The following KCNT2 variants were observed in gnomAD, a reference collection of about 807,000 sequenced individuals.
KCNT2 encodes the protein potassium sodium-activated channel subfamily T member 2.
Under a neutral mutation model 153.8 loss-of-function variants are expected in KCNT2, and 67 were observed. The observed-to-expected ratio is 0.44, with a 90% confidence interval of 0.36 to 0.53. The LOEUF (loss-of-function observed/expected upper bound fraction) is 0.53, where lower values mean the gene tolerates loss of function less well. Ranked by LOEUF, KCNT2 falls within the 20% of genes least tolerant of loss-of-function variation. KCNT2 has a pLI of 0.00. For missense variants in KCNT2, 975 were observed against 1,354.8 expected, an observed-to-expected ratio of 0.72 and a Z score of 4.40; for synonymous variants, 500 against 458.8, an observed-to-expected ratio of 1.09 and a Z score of -1.15.
At chr1:196,342,255 C>T in intron 14 of KCNT2, 27 bp from the exon 15 acceptor site, 1 of 1,582,798 alleles carries the variant, frequency 6.3e-7, no homozygotes. Context: ...CACACATACA[C>T]ACACACAAAA....
At position 196,342,105 on chromosome 1, in the gene KCNT2, T is replaced by C. The variant is rs368541626; in HGVS notation, c.1527A>G (p.Thr509=). ...TTTTGTGTGCATGGAAAGAGGCATATGTAAAACTCTTTCCTTCATATTCAG... is the reference window on the plus strand; with the variant it reads ...TTTTGTGTGCATGGAAAGAGGCATACGTAAAACTCTTTCCTTCATATTCAG... ...FFAEYEGKSF[T]YASFHAHKKF... Residue 509 remains threonine, a synonymous_variant, in exon 15 of 28, where the codon ACA becomes ACG. Transcript: ENST00000294725. The C allele has an allele frequency of 1.0e-4, 168 of 1,609,732 alleles. No individual in the cohort carries two copies. Among genetic ancestry groups the C allele is most frequent in the Non-Finnish European group, 1.4e-4 (162 of 1,177,858 alleles).
intron 26 of KCNT2, among the ~76,000 whole-genome samples, chr1:196,240,078 G>A (rs1654811938): frequency 6.6e-6 from 1 of 151,704 alleles, no homozygotes; most frequent in African/African-American, 2.4e-5. Context: ...CATGCACTCT[G>A]TGGTATTTTT....
At position 196,590,428 on chromosome 1, in the gene KCNT2, A is replaced by G. The variant is rs199803168; in HGVS notation, c.95+17787T>C. 2.0e-5 allele frequency among the ~76,000 whole-genome samples: 3 copies of G among 152,298 alleles called. No individual in the cohort carries two copies. In the East Asian group the frequency reaches 5.8e-4, roughly 29 times the overall value. On this transcript the variant is annotated intron_variant, in intron 1 of 27. Coordinates refer to ENST00000294725, the MANE Select transcript of KCNT2 (RefSeq NM_198503.5). ...TAATTATGAGATGGCTTGTTATAAGAAAGAGAAATAGTGTAATGGTCACTG... is the reference window on the plus strand; with the variant it reads ...TAATTATGAGATGGCTTGTTATAAGGAAGAGAAATAGTGTAATGGTCACTG...
chr1:196,546,314 GCATA>G (rs1657090201), intron 1 of KCNT2, among the ~76,000 whole-genome samples: 1 of 151,928 alleles, frequency 6.6e-6, no homozygotes, highest in Non-Finnish European at 1.5e-5. Flanking sequence ...CTTTTGTCAC[GCATA>G]CATTTGGTGT....
chr1:196,424,192 C>T (rs1673451754), intron 11 of KCNT2, among the ~76,000 whole-genome samples: 1 of 151,724 alleles, frequency 6.6e-6, no homozygotes, highest in African/African-American at 2.4e-5. Context: ...CATTTTAAGA[C>T]TATTGGTAAT....
chr1:196,466,349 G>A (rs1487817080), intron 7 of KCNT2, among the ~76,000 whole-genome samples: 2 of 151,854 alleles, frequency 1.3e-5, no homozygotes, highest in Non-Finnish European at 2.9e-5. Context: ...CATTTCACAG[G>A]CCACACTCTC....
intron 3 of KCNT2, among the ~76,000 whole-genome samples, chr1:196,485,610 T>TTTCCCA (rs1679357970): frequency 6.6e-6 from 1 of 151,914 alleles, no homozygotes; most frequent in Non-Finnish European, 1.5e-5. Context: ...GTCTAGACTA[T>TTTCCCA]GTCTTGTGAA....
chr1:196,290,969 C>T (rs996231000), intron 22 of KCNT2, among the ~76,000 whole-genome samples: 1 of 152,092 alleles, frequency 6.6e-6, no homozygotes, highest in Non-Finnish European at 1.5e-5. Flanking sequence ...ACTCCAAAGA[C>T]TCAGCATTCA....
chr1:196,523,757 C>T (rs960888734), intron 1 of KCNT2, among the ~76,000 whole-genome samples: 3 of 152,128 alleles, frequency 2.0e-5, no homozygotes, highest in South Asian at 2.1e-4. Context: ...AGCCTGGTAA[C>T]GTTTGTGAAA....
chr1:196,260,587 C>A (rs896187649), intron 25 of KCNT2, among the ~76,000 whole-genome samples: 1 of 151,666 alleles, frequency 6.6e-6, no homozygotes, highest in Non-Finnish European at 1.5e-5. Flanking sequence ...ACTAACCTCA[C>A]TTTAACTACA....
intron 4 of KCNT2, among the ~76,000 whole-genome samples, 200 bp downstream of exon 4, chr1:196,482,131 C>T (rs780679067): frequency 2.6e-5 from 4 of 151,934 alleles, no homozygotes; most frequent in African/African-American, 2.4e-5. Context: ...ATTCTGATCA[C>T]GACGAAATCC....
chr1:196,435,135 G>GTGTGTA (rs747899287), intron 8 of KCNT2, among the ~76,000 whole-genome samples: 25 of 76,854 alleles, frequency 3.3e-4, no homozygotes, highest in Admixed American at 7.9e-4. Context: ...GTGTGTGTGT[G>GTGTGTA]TATGTATATA....
chr1:196,567,058 GTTA>G (rs1013176447), intron 1 of KCNT2, among the ~76,000 whole-genome samples: 12 of 152,078 alleles, frequency 7.9e-5, no homozygotes, highest in Middle Eastern at 6.8e-3. Flanking sequence ...TCAGTTGAAA[GTTA>G]TTATCTATAT....
chr1:196,511,155 AC>A (rs1681596471), intron 1 of KCNT2, among the ~76,000 whole-genome samples: 23 of 139,322 alleles, frequency 1.7e-4, no homozygotes. Context: ...ACACACACAC[AC>A]AACTTTTTAA....
chr1:196,608,352 G>C lies in KCNT2; in HGVS notation c.-43C>G, dbSNP rs758362556. ...GAAACATCAAACAACAAATGGAGGA[G>C]AGGAGGGAGAAAGAAAGAAAATATT... On this transcript the variant is annotated 5_prime_UTR_variant, in exon 1 of 28. Transcript: ENST00000294725. The C allele has an allele frequency of 1.3e-6, 2 of 1,481,898 alleles. No individual in the cohort carries two copies. Among genetic ancestry groups the C allele is most frequent in the Non-Finnish European group, 1.9e-6 (2 of 1,059,418 alleles). 91.8% of individuals were successfully genotyped at this position (1,481,898 alleles called of 1,614,324 possible).
chr1:196,456,955 A>C (rs190746330), intron 8 of KCNT2, among the ~76,000 whole-genome samples: 3 of 152,090 alleles, frequency 2.0e-5, no homozygotes, highest in Non-Finnish European at 2.9e-5. Flanking sequence ...GTTGGTCTTA[A>C]TACAAGTTTC....
chr1:196,607,699 G>A (rs1384578884), intron 1 of KCNT2, among the ~76,000 whole-genome samples: 1 of 152,150 alleles, frequency 6.6e-6, no homozygotes, highest in Non-Finnish European at 1.5e-5. Context: ...ACTCCAAAAT[G>A]TTTAAACAGC....
chr1:196,326,980 T>C, intron 18 of KCNT2, 91 bp from the exon 19 acceptor site: 1 of 714,828 alleles, frequency 1.4e-6, no homozygotes, highest in East Asian at 2.9e-5. Context: ...GTAAAATTAA[T>C]TGAACAATGT....
At chr1:196,453,985 G>A (rs148678372) in intron 8 of KCNT2, among the ~76,000 whole-genome samples, 48 of 141,394 alleles carry the variant, frequency 3.4e-4, no homozygotes, top group African/African-American at 1.2e-3. Context: ...TGCATATTTT[G>A]TCATCTTTCC....
Sources: allele counts gnomAD v4.1 joint callset (sites outside exome capture counted in the v4.1 genomes callset), GRCh38; gene constraint gnomAD v4.1.1; transcripts MANE v1.5; gene names NCBI Gene and HGNC (gene_info 2026-07-23, HGNC 2026-07-21).